SH3GL2: variants seen among roughly 807,000 people sequenced by gnomAD.
SH3GL2 encodes endophilin-A1.
In SH3GL2, 24 loss-of-function variants were observed where a neutral mutation model predicts 46.0. That is an observed-to-expected ratio of 0.52 (90% CI 0.38 to 0.73). SH3GL2 has a LOEUF of 0.73. Ranked by LOEUF, SH3GL2 falls within the 30% of genes least tolerant of loss-of-function variation. The pLI is 0.00. For synonymous variants in SH3GL2, 196 were observed against 147.1 expected, an observed-to-expected ratio of 1.33 and a Z score of -2.40; for missense variants, 413 against 424.2, an observed-to-expected ratio of 0.97 and a Z score of 0.23.
rs139374719 is a variant in SH3GL2, at chr9:17,793,641, A to G, written c.859+144A>G. On this transcript the variant is annotated intron_variant, in intron 8 of 8. Transcript: ENST00000380607. ...TTATGGAGTCAGTTGTCAGGTAGAA[A>G]CTCTGTTAAAGGAATCCTTTTGTCT... The G allele has an allele frequency of 1.2e-4, 88 of 725,386 alleles. No individual in the cohort carries two copies. In the African/African-American group the frequency reaches 1.6e-3, roughly 13 times the overall value. 44.9% of individuals were successfully genotyped at this position (725,386 alleles called of 1,614,324 possible).
At chr9:17,593,374 A>G (rs1818519298) in intron 1 of SH3GL2, among the ~76,000 whole-genome samples, 1 of 152,048 alleles carries the variant, frequency 6.6e-6, no homozygotes, top group South Asian at 2.1e-4. Context: ...AATTGAATTG[A>G]ATTAGAGGAC....
Position 17,786,433 on chromosome 9 carries a change from G to C in SH3GL2, c.240G>C (p.Gln80His). Residue 80 changes from glutamine to histidine, a missense_variant, in exon 4 of 9, where the codon CAG (glutamine) becomes CAC (histidine). By Grantham distance (24) the Gln-to-His change is conservative (BLOSUM62 0). Coordinates refer to ENST00000380607, the MANE Select transcript of SH3GL2 (RefSeq NM_003026.5). ...ACACCATGTCAAAAATCCGTGGCCA[G>C]GAGAAGGGGCCAGGCTATCCTCAGG... is the stretch of plus-strand genomic sequence containing the variant. ...MINTMSKIRG[Q>H]EKGPGYPQAE... 6.2e-7 allele frequency: 1 copy of C among 1,613,522 alleles called. No individual in the cohort carries two copies. The highest frequency in any genetic ancestry group is 1.3e-5 in the African/African-American group (1 of 74,992).
rs189307974 is a variant in SH3GL2 at position 17,755,698 on chromosome 9, A to G, written c.115-5739A>G. 4.8e-4 allele frequency: 352 copies of G among 740,832 alleles called. 1 individual carries two copies. Among genetic ancestry groups the G allele is most frequent in the South Asian group, 1.1e-3 (18 of 16,458 alleles). 45.9% of individuals were successfully genotyped at this position (740,832 alleles called of 1,614,324 possible). Reference sequence around the variant, plus strand: ...TCTTAAACTTTTGCTCTGCTACAGCATCTGGTATAATGTGGTATCTAATAG... The same window carrying G: ...TCTTAAACTTTTGCTCTGCTACAGCGTCTGGTATAATGTGGTATCTAATAG... On this transcript the variant is annotated intron_variant, in intron 2 of 8. Coordinates refer to ENST00000380607, the MANE Select transcript of SH3GL2 (RefSeq NM_003026.5).
At chr9:17,644,287 C>T (rs1255575367) in intron 1 of SH3GL2, among the ~76,000 whole-genome samples, 3 of 152,042 alleles carry the variant, frequency 2.0e-5, no homozygotes, top group South Asian at 4.2e-4. Flanking sequence ...AGAAAAACAG[C>T]TCCTAGATTC....
At chr9:17,631,027 GT>G (rs1819409400) in intron 1 of SH3GL2, among the ~76,000 whole-genome samples, 1 of 151,920 alleles carries the variant, frequency 6.6e-6, no homozygotes, top group South Asian at 2.1e-4. Context: ...AATATGTGAT[GT>G]TTGATAGCAT....
chr9:17,587,162 G>A (rs149614977), intron 1 of SH3GL2, among the ~76,000 whole-genome samples: 1,674 of 152,208 alleles, frequency 0.011, 22 homozygotes, highest in South Asian at 0.031. Flanking sequence ...AGATCACACC[G>A]TTGCACTCCA....
chr9:17,607,886 G>T (rs1017403386), intron 1 of SH3GL2, among the ~76,000 whole-genome samples: 1 of 152,094 alleles, frequency 6.6e-6, no homozygotes, highest in African/African-American at 2.4e-5. Context: ...AAATGAATGG[G>T]TTAAATACTG....
intron 1 of SH3GL2, among the ~76,000 whole-genome samples, chr9:17,700,062 T>TTGCAGTGAGCCGAGATTGCGCC (rs201724373): frequency 6.6e-6 from 1 of 151,972 alleles, no homozygotes; most frequent in African/African-American, 2.4e-5. Context: ...AAGAAGAAAA[T>TTGCAGTGAGCCGAGATTGCGCC]AGTTCTGGCT....
At chr9:17,756,147 T>G (rs1337622387) in intron 2 of SH3GL2, among the ~76,000 whole-genome samples, 1 of 152,180 alleles carries the variant, frequency 6.6e-6, no homozygotes, top group South Asian at 2.1e-4. Flanking sequence ...AACAAAACTT[T>G]ATCTAAGGAT....
chr9:17,715,969 A>C (rs2118306525), intron 1 of SH3GL2, among the ~76,000 whole-genome samples: 1 of 152,152 alleles, frequency 6.6e-6, no homozygotes, highest in East Asian at 1.9e-4. Flanking sequence ...GGGTGTTCAA[A>C]GTATTATTTG....
chr9:17,691,966 T>C (rs1158624595), intron 1 of SH3GL2, among the ~76,000 whole-genome samples: 3 of 152,140 alleles, frequency 2.0e-5, no homozygotes, highest in Non-Finnish European at 4.4e-5. Flanking sequence ...TTTGACAATA[T>C]CTATAAAAAT....
rs572312770 is a variant in SH3GL2 at position 17,602,487 on chromosome 9, C to G, written c.45+23200C>G. Among the ~76,000 whole-genome samples, 15 of 152,300 alleles carry G rather than the reference C, an allele frequency of 9.8e-5. 2 individuals carry two copies. The South Asian group carries it at 2.7e-3, about 27-fold the overall frequency. Reference sequence around the variant, plus strand: ...GCAGAGGCCACCAGCCACCTTGCCTCTTTCACCCCCATCTCCAGGAGATTG... The same window carrying G: ...GCAGAGGCCACCAGCCACCTTGCCTGTTTCACCCCCATCTCCAGGAGATTG... On this transcript the variant is annotated intron_variant, in intron 1 of 8. Coordinates refer to ENST00000380607, the MANE Select transcript of SH3GL2 (RefSeq NM_003026.5).
At chr9:17,581,600 G>A (rs574724334) in intron 1 of SH3GL2, among the ~76,000 whole-genome samples, 4 of 152,304 alleles carry the variant, frequency 2.6e-5, no homozygotes, top group African/African-American at 7.2e-5. Flanking sequence ...CATCAGGTCC[G>A]TGAACCTGAT....
chr9:17,636,056 C>G (rs1434833727), intron 1 of SH3GL2, among the ~76,000 whole-genome samples: 1 of 152,208 alleles, frequency 6.6e-6, no homozygotes, highest in African/African-American at 2.4e-5. Context: ...TATCTTATAT[C>G]TGCTTGCCAT....
At chr9:17,778,425 A>G (rs9407864) in intron 3 of SH3GL2, among the ~76,000 whole-genome samples, 1 of 152,020 alleles carries the variant, frequency 6.6e-6, no homozygotes, top group Non-Finnish European at 1.5e-5. Context: ...AGGGGGAGAG[A>G]GTGACCGGGT....
chr9:17,656,047 A>G (rs1033080072), intron 1 of SH3GL2, among the ~76,000 whole-genome samples: 10 of 152,210 alleles, frequency 6.6e-5, no homozygotes, highest in African/African-American at 2.2e-4. Flanking sequence ...GAGTGAAAGA[A>G]CTGAAAAAGT....
chr9:17,675,140 A>G (rs981221072), intron 1 of SH3GL2, among the ~76,000 whole-genome samples: 9 of 152,320 alleles, frequency 5.9e-5, no homozygotes, highest in African/African-American at 2.2e-4. Flanking sequence ...GTCATCTCAC[A>G]TGCTTTAAAC....
intron 1 of SH3GL2, among the ~76,000 whole-genome samples, chr9:17,672,740 C>A (rs904130937): frequency 6.6e-6 from 1 of 152,146 alleles, no homozygotes; most frequent in Admixed American, 6.5e-5. Flanking sequence ...TAACTAACTT[C>A]TAGACCTCTC....
In SH3GL2 at chr9:17,751,470, T is replaced by TTGTTTGTGCGTGTGTGTGTG. The variant is rs1433444435; in HGVS notation, c.114+4339_114+4340insTTGTGCGTGTGTGTGTGTGT. Among the ~76,000 whole-genome samples the TTGTTTGTGCGTGTGTGTGTG allele has an allele frequency of 2.7e-3, 360 of 133,010 alleles. 2 individuals carry two copies. Among genetic ancestry groups the TTGTTTGTGCGTGTGTGTGTG allele is most frequent in the African/African-American group, 9.9e-3 (329 of 33,140 alleles). The allele number at this position is 133,010 out of a possible 152,430, so 87.3% of individuals were successfully genotyped here. ...AGCTGGGTTTTTGGTGTGTGTGTTT[T>TTGTTTGTGCGTGTGTGTGTG]TGTGTGTGCGTGTGTGTGTGTGTGT... On this transcript the variant is annotated intron_variant, in intron 2 of 8. Coordinates refer to ENST00000380607, the MANE Select transcript of SH3GL2 (RefSeq NM_003026.5).
Sources: allele counts gnomAD v4.1 joint callset (sites outside exome capture counted in the v4.1 genomes callset), GRCh38; gene constraint gnomAD v4.1.1; transcripts MANE v1.5; gene names NCBI Gene and HGNC (gene_info 2026-07-23, HGNC 2026-07-21).